DLG2: variants seen among roughly 807,000 people sequenced by gnomAD.
DLG2 encodes the protein disks large homolog 2.
DLG2 carries 45 observed loss-of-function variants against 132.5 expected under a neutral mutation model. The observed-to-expected ratio is 0.34, with a 90% CI of 0.27 to 0.44. The LOEUF (loss-of-function observed/expected upper bound fraction) is 0.44. Ranked by LOEUF, DLG2 falls within the 20% of genes least tolerant of loss-of-function variation. DLG2 has a pLI of 1.00. For missense variants in DLG2, 1,045 were observed against 1,196.9 expected, an observed-to-expected ratio of 0.87 and a Z score of 1.87; for synonymous variants, 424 against 419.6, an observed-to-expected ratio of 1.01 and a Z score of -0.13.
chr11:85,396,418 A>G (rs2087378215), intron 3 of DLG2, among the ~76,000 whole-genome samples: 1 of 152,188 alleles, frequency 6.6e-6, no homozygotes, highest in South Asian at 2.1e-4. Flanking sequence ...AACTGGACAG[A>G]GAATGAGTTT....
At chr11:85,081,413 ACTTTGGC>A (rs773663507) in intron 6 of DLG2, among the ~76,000 whole-genome samples, 7 of 152,156 alleles carry the variant, frequency 4.6e-5, no homozygotes, top group Non-Finnish European at 1.0e-4. Context: ...TAAAAGTTTT[ACTTTGGC>A]CTTCTTTTGC....
chr11:84,401,476 C>T (rs558874766), intron 7 of DLG2, among the ~76,000 whole-genome samples: 49 of 152,076 alleles, frequency 3.2e-4, no homozygotes, highest in Non-Finnish European at 6.3e-4. Context: ...GAGTGCCTAA[C>T]GTGGTAGGCA....
At chr11:84,116,275 C>T (rs527527461) in intron 9 of DLG2, among the ~76,000 whole-genome samples, 2 of 152,158 alleles carry the variant, frequency 1.3e-5, no homozygotes, top group Non-Finnish European at 1.5e-5. Flanking sequence ...TAAAAGCATT[C>T]GATACTGTTT....
intron 6 of DLG2, among the ~76,000 whole-genome samples, chr11:84,824,323 T>A (rs191282696): frequency 6.6e-6 from 1 of 151,986 alleles, no homozygotes; most frequent in Admixed American, 6.6e-5. Context: ...CAGCTACTGA[T>A]CTCTAAGAGA....
intron 6 of DLG2, among the ~76,000 whole-genome samples, chr11:84,831,696 G>A (rs748843629): frequency 1.3e-5 from 2 of 151,578 alleles, no homozygotes; most frequent in Non-Finnish European, 3.0e-5. Context: ...CTGCATTTCT[G>A]GCTGCCTTTA....
intron 7 of DLG2, among the ~76,000 whole-genome samples, chr11:84,496,606 G>A (rs965814033): frequency 6.6e-6 from 1 of 152,070 alleles, no homozygotes; most frequent in Non-Finnish European, 1.5e-5. Flanking sequence ...CTGCATTATT[G>A]TAATATAAGG....
intron 3 of DLG2, among the ~76,000 whole-genome samples, chr11:85,508,319 C>G (rs1403999666): frequency 6.6e-6 from 1 of 151,648 alleles, no homozygotes; most frequent in Non-Finnish European, 1.5e-5. Flanking sequence ...CTTGATGTTT[C>G]TCCAACATGC....
chr11:85,098,993 C>T (rs540765514), intron 6 of DLG2, among the ~76,000 whole-genome samples: 15 of 152,320 alleles, frequency 9.8e-5, no homozygotes, highest in South Asian at 6.2e-4. Flanking sequence ...TTAATCTAGG[C>T]TTATAATTTT....
chr11:84,985,973 C>T (rs909963089), intron 6 of DLG2, among the ~76,000 whole-genome samples: 24 of 102,872 alleles, frequency 2.3e-4, no homozygotes, highest in African/African-American at 7.0e-4. Context: ...GCCTGGGCAA[C>T]GGAGCAAGAC....
chr11:84,029,023 A>G (rs1288163104), intron 11 of DLG2, among the ~76,000 whole-genome samples: 5 of 152,130 alleles, frequency 3.3e-5, no homozygotes, highest in African/African-American at 9.7e-5. Flanking sequence ...ACTTTAAACA[A>G]TTACTGTTAT....
At chr11:85,138,345 T>C (rs1023831918) in intron 5 of DLG2, among the ~76,000 whole-genome samples, 5 of 152,182 alleles carry the variant, frequency 3.3e-5, no homozygotes, top group Non-Finnish European at 5.9e-5. Flanking sequence ...GAACATTAAC[T>C]ACATTTCTTA....
intron 19 of DLG2, 62 bp downstream of exon 19, chr11:83,633,149 C>G: frequency 1.4e-6 from 2 of 1,471,312 alleles, no homozygotes; most frequent in South Asian, 2.3e-5. Flanking sequence ...CATGGTGTTG[C>G]CTTTGTTTTC....
At chr11:84,835,428 A>G (rs190749963) in intron 6 of DLG2, among the ~76,000 whole-genome samples, 178 of 151,752 alleles carry the variant, frequency 1.2e-3, no homozygotes, top group African/African-American at 4.1e-3. Context: ...AGTTAATAAT[A>G]TTTTCTTCAT....
At chr11:84,200,352 T>G (rs1390893274) in intron 8 of DLG2, among the ~76,000 whole-genome samples, 1 of 152,108 alleles carries the variant, frequency 6.6e-6, no homozygotes, top group Non-Finnish European at 1.5e-5. Flanking sequence ...CAGAAAAATT[T>G]TAAAAGTCAC....
chr11:85,413,962 G>T (rs1271627184), intron 3 of DLG2, among the ~76,000 whole-genome samples: 3 of 151,964 alleles, frequency 2.0e-5, no homozygotes, highest in African/African-American at 7.3e-5. Flanking sequence ...GATAGGAATT[G>T]CATTGAATTT....
chr11:83,532,790 C>G lies in DLG2; in HGVS notation c.2118-7G>C, dbSNP rs756333295. 1.9e-6 allele frequency: 3 copies of G among 1,610,652 alleles called. No individual in the cohort carries two copies. The African/African-American group carries it at 4.0e-5, about 22-fold the overall frequency. ...ACGTTCCTTTCTTTCCACCCTAAAG[C>G]AAATTGAGAATAAAGAGTCTCTCAC... is the stretch of plus-strand genomic sequence containing the variant. On this transcript the variant is annotated splice_region_variant and splice_polypyrimidine_tract_variant and intron_variant, in intron 20 of 27. Coordinates refer to ENST00000376104, the MANE Select transcript of DLG2 (RefSeq NM_001142699.3).
chr11:83,781,187 T>C (rs2094808796), intron 18 of DLG2, among the ~76,000 whole-genome samples: 1 of 152,186 alleles, frequency 6.6e-6, no homozygotes, highest in Non-Finnish European at 1.5e-5. Context: ...TGTTCAAATA[T>C]CACCTTATTA....
chr11:84,783,392 A>G (rs891991487), intron 6 of DLG2, among the ~76,000 whole-genome samples: 116 of 152,162 alleles, frequency 7.6e-4, no homozygotes, highest in Non-Finnish European at 1.8e-4. Context: ...TGCTAAATTC[A>G]TTCCTACTCT....
chr11:84,752,527 A>T (rs907869633), intron 6 of DLG2, among the ~76,000 whole-genome samples: 10 of 151,418 alleles, frequency 6.6e-5, no homozygotes, highest in Non-Finnish European at 2.9e-5. Context: ...TCCAAAATCT[A>T]ACTAGATAAC....
Sources: allele counts gnomAD v4.1 joint callset (sites outside exome capture counted in the v4.1 genomes callset), GRCh38; gene constraint gnomAD v4.1.1; transcripts MANE v1.5; gene names NCBI Gene and HGNC (gene_info 2026-07-23, HGNC 2026-07-21).